EEPD1: variants seen among roughly 807,000 people sequenced by gnomAD.
EEPD1 encodes endonuclease/exonuclease/phosphatase family domain-containing protein 1.
Under a neutral mutation model 46.3 loss-of-function variants are expected in EEPD1, and 17 were observed. The observed-to-expected ratio is 0.37, with a 90% CI of 0.25 to 0.55. EEPD1 has a LOEUF of 0.55. Ranked by LOEUF, EEPD1 falls within the 20% of genes least tolerant of loss-of-function variation. The pLI is 0.83. For missense variants in EEPD1, 673 were observed against 745.6 expected (o/e 0.90, Z 1.13); for synonymous variants, 313 against 315.6 (o/e 0.99, Z 0.09).
chr7:36,235,348 T>C (rs1329433190), intron 2 of EEPD1, among the ~76,000 whole-genome samples: 1 of 152,264 alleles, frequency 6.6e-6, no homozygotes, highest in African/African-American at 2.4e-5. Context: ...TCTGTCACCC[T>C]GGTTGCTGGC....
intron 2 of EEPD1, among the ~76,000 whole-genome samples, chr7:36,165,717 G>A (rs1356330612): frequency 1.3e-5 from 2 of 151,770 alleles, no homozygotes; most frequent in Non-Finnish European, 2.9e-5. Flanking sequence ...GATTACAGGC[G>A]TGAGCCACCA....
chr7:36,155,155 C>G lies in EEPD1; in HGVS notation c.831C>G (p.Asn277Lys). The G allele has an allele frequency of 6.6e-7, 1 of 1,525,068 alleles. No homozygotes were observed. The highest frequency in any genetic ancestry group is 8.8e-7 in the Non-Finnish European group (1 of 1,137,838). The allele number at this position is 1,525,068 out of a possible 1,614,324, so 94.5% of individuals were successfully genotyped here. ...AGGGCTGTTCCGTGGAGAAGGCCAA[C>G]AACCCCGGGGTGCGAGAGGTGGTGT... is the stretch of plus-strand genomic sequence containing the variant. ...NLQGCSVEKA[N>K]NPGVREVVCM... The change falls in exon 2 of 8, where the codon AAC becomes AAG. Residue 277 changes from asparagine to lysine, a missense_variant. Asn to Lys is a moderately conservative substitution (Grantham distance 94). Transcript: ENST00000242108.
At chr7:36,289,738 C>T (rs895378640) in intron 6 of EEPD1, among the ~76,000 whole-genome samples, 3 of 152,248 alleles carry the variant, frequency 2.0e-5, no homozygotes, top group Non-Finnish European at 2.9e-5. Flanking sequence ...TCGTGATCTG[C>T]CCGCCTCGGC....
intron 2 of EEPD1, among the ~76,000 whole-genome samples, chr7:36,192,748 T>A (rs1785482706): frequency 6.6e-6 from 1 of 152,236 alleles, no homozygotes; most frequent in Non-Finnish European, 1.5e-5. Context: ...AAAATGGTAC[T>A]CCTTGGACCA....
chr7:36,237,428 C>T (rs1307702664), intron 2 of EEPD1, among the ~76,000 whole-genome samples: 5 of 152,164 alleles, frequency 3.3e-5, no homozygotes, highest in East Asian at 3.9e-4. Flanking sequence ...TGAGCCACTG[C>T]GTTGGCCCTC....
chr7:36,270,540 A>T (rs1787087047), intron 3 of EEPD1, among the ~76,000 whole-genome samples: 1 of 152,122 alleles, frequency 6.6e-6, no homozygotes, highest in South Asian at 2.1e-4. Flanking sequence ...CCTACTTATG[A>T]GTGAGAACAT....
At chr7:36,223,965 T>C (rs1232275892) in intron 2 of EEPD1, among the ~76,000 whole-genome samples, 1 of 152,228 alleles carries the variant, frequency 6.6e-6, no homozygotes, top group African/African-American at 2.4e-5. Flanking sequence ...TCATTGGTTC[T>C]TTCTACATTT....
intron 2 of EEPD1, among the ~76,000 whole-genome samples, chr7:36,235,057 C>T (rs1294935892): frequency 1.4e-5 from 2 of 147,950 alleles, no homozygotes; most frequent in African/African-American, 5.0e-5. Flanking sequence ...GCACAGGTTT[C>T]CCCCACAGCC....
At chr7:36,227,872 G>A (rs917113375) in intron 2 of EEPD1, among the ~76,000 whole-genome samples, 1 of 152,112 alleles carries the variant, frequency 6.6e-6, no homozygotes, top group African/African-American at 2.4e-5. Flanking sequence ...ATTTTTAGTA[G>A]AGAAGGGGTT....
chr7:36,218,451 T>C (rs533537207), intron 2 of EEPD1, among the ~76,000 whole-genome samples: 1 of 152,218 alleles, frequency 6.6e-6, no homozygotes, highest in Admixed American at 6.5e-5. Flanking sequence ...GAATGTGGTC[T>C]CTCTCTTTCT....
At chr7:36,282,536 A>G (rs781217375) in intron 4 of EEPD1, among the ~76,000 whole-genome samples, 2 of 152,244 alleles carry the variant, frequency 1.3e-5, no homozygotes, top group African/African-American at 4.8e-5. Context: ...GCCATTGGAA[A>G]ACAACATGAG....
chr7:36,223,141 ACT>A (rs1786175511), intron 2 of EEPD1, among the ~76,000 whole-genome samples: 3 of 145,298 alleles, frequency 2.1e-5, no homozygotes, highest in Non-Finnish European at 4.6e-5. Flanking sequence ...ACAGAGTGAG[ACT>A]GTGTCTCAAA....
In EEPD1 at chr7:36,154,730, CGT is replaced by C; in HGVS notation, c.409_410del (p.Val137Ter). On this transcript the variant is annotated frameshift_variant, in exon 2 of 8. Transcript: ENST00000242108. LOFTEE classifies it high-confidence loss of function. This position sits in a 1 kb window ranked among gnomAD's most constrained non-coding sequence, Gnocchi z 4.2. The stretch of plus-strand genomic sequence containing the variant: ...GGCCACAGCTGTGCCCCTCACCCCA[CGT>C]GTTAACATCAACACAGCCACCCCGG... ...HLATAVPLTP[R>X]VNINTATPAQ... is the part of the protein sequence containing the mutation. The C allele has an allele frequency of 3.1e-6, 5 of 1,614,050 alleles. No homozygotes were observed. The highest frequency in any genetic ancestry group is 2.5e-6 in the Non-Finnish European group (3 of 1,180,028).
At chr7:36,228,266 C>T (rs565258899) in intron 2 of EEPD1, among the ~76,000 whole-genome samples, 190 of 152,232 alleles carry the variant, frequency 1.2e-3, no homozygotes, top group Non-Finnish European at 2.2e-3. Context: ...TGGTGGCTAC[C>T]CGCCCTAATC....
intron 2 of EEPD1, among the ~76,000 whole-genome samples, chr7:36,178,227 C>T (rs767576367): frequency 2.0e-5 from 3 of 150,936 alleles, no homozygotes; most frequent in Admixed American, 2.0e-4. Context: ...CAACTGCCAT[C>T]CCCGCGGTTA....
intron 2 of EEPD1, among the ~76,000 whole-genome samples, chr7:36,183,443 G>C (rs1785308581): frequency 6.6e-6 from 1 of 152,122 alleles, no homozygotes; most frequent in Non-Finnish European, 1.5e-5. Context: ...CCCGGCTTCT[G>C]TCACAGGAAA....
intron 3 of EEPD1, among the ~76,000 whole-genome samples, chr7:36,271,614 A>G (rs1441283440): frequency 4.0e-5 from 6 of 151,358 alleles, no homozygotes. Context: ...CTTTAGTTTA[A>G]TTAGATCCCA....
chr7:36,281,087 G>T (rs781247283), intron 3 of EEPD1, 28 bp from the exon 4 acceptor site: 2 of 1,606,778 alleles, frequency 1.2e-6, no homozygotes, highest in South Asian at 2.2e-5. Flanking sequence ...GCGAACCCAC[G>T]CTTCTGACCT....
At chr7:36,173,074 G>T (rs575045320) in intron 2 of EEPD1, among the ~76,000 whole-genome samples, 1 of 152,206 alleles carries the variant, frequency 6.6e-6, no homozygotes, top group Non-Finnish European at 1.5e-5. Context: ...ACATGGTTTA[G>T]CTCTGTGTCC....
Sources: allele counts gnomAD v4.1 joint callset (sites outside exome capture counted in the v4.1 genomes callset), GRCh38; gene constraint gnomAD v4.1.1; non-coding constraint Gnocchi (gnomAD v3.1); transcripts MANE v1.5; gene names NCBI Gene and HGNC (gene_info 2026-07-23, HGNC 2026-07-21).